The following GTF3C1 variants were observed in gnomAD, a reference collection of about 807,000 sequenced individuals.
GTF3C1 encodes the protein general transcription factor IIIC subunit 1.
In GTF3C1, 57 loss-of-function variants were observed where a neutral mutation model predicts 226.7. That is an observed-to-expected ratio of 0.25 (90% CI 0.20 to 0.31). The LOEUF (loss-of-function observed/expected upper bound fraction) is 0.31, where lower values mean the gene tolerates loss of function less well. Ranked by LOEUF, GTF3C1 falls within the 10% of genes least tolerant of loss-of-function variation. The pLI is 1.00. For missense variants in GTF3C1, 2,217 were observed against 2,776.1 expected (o/e 0.80, Z 4.53); for synonymous variants, 1,090 against 1,084.8 (o/e 1.00, Z -0.09).
intron 32 of GTF3C1, among the ~76,000 whole-genome samples, chr16:27,468,536 C>T (rs1334866391): frequency 1.3e-5 from 2 of 152,106 alleles, no homozygotes; most frequent in Admixed American, 1.3e-4. Context: ...GACCTGAGCC[C>T]AAGAGCTAGA....
Position 27,537,841 on chromosome 16 carries a change from G to A in GTF3C1, c.695C>T (p.Pro232Leu). Residue 232 changes from proline to leucine, a missense_variant, in exon 4 of 37, where the codon CCC becomes CTC. By Grantham distance (98) the Pro-to-Leu change is moderately conservative. This residue lies in a region of GTF3C1 where 163 missense variants were observed against 234.3 expected (regional missense o/e 0.70). Coordinates refer to ENST00000356183, the MANE Select transcript of GTF3C1 (RefSeq NM_001520.4). ...ITMQSHVIRL[P>L]TGAQQHSILL... ...GATTGAGTGTTGCTGGGCTCCAGTG[G>A]GTAATCGGATCACATGGGACTGCAT... 3 of 1,612,408 alleles carry A rather than the reference G, an allele frequency of 1.9e-6. No homozygotes were observed. Among genetic ancestry groups the A allele is most frequent in the Non-Finnish European group, 2.5e-6 (3 of 1,178,438 alleles).
chr16:27,492,771 G>T lies in GTF3C1; in HGVS notation c.2877-58C>A, dbSNP rs2088252536. 1.1e-6 allele frequency: 1 copy of T among 945,088 alleles called. No individual in the cohort carries two copies. The highest frequency in any genetic ancestry group is 2.5e-4 in the Middle Eastern group (1 of 4,080). 58.5% of individuals were successfully genotyped at this position (945,088 alleles called of 1,614,324 possible). The stretch of plus-strand genomic sequence containing the variant: ...ACACCACACTCGCAGCCGGCCGCAG[G>T]GGTCTGCATGTGGGGTGAGGGGTGC... On this transcript the variant is annotated intron_variant, in intron 17 of 36. Transcript: ENST00000356183. This position sits in a 1 kb window ranked among gnomAD's most constrained non-coding sequence, Gnocchi z 5.0.
At chr16:27,545,556 C>T (rs1342467765) in intron 1 of GTF3C1, 33 bp from the exon 2 acceptor site, 1 of 1,251,096 alleles carries the variant, frequency 8.0e-7, no homozygotes, top group South Asian at 1.2e-5. Context: ...CAAAGCCCAA[C>T]TCAGCTTCAG....
intron 23 of GTF3C1, among the ~76,000 whole-genome samples, chr16:27,486,573 G>A (rs1383657118): frequency 6.6e-6 from 1 of 152,164 alleles, no homozygotes. Flanking sequence ...CCCTTGCTCT[G>A]TGACCACACG....
At chr16:27,467,796 G>A (rs780447421) in intron 32 of GTF3C1, among the ~76,000 whole-genome samples, 2 of 152,140 alleles carry the variant, frequency 1.3e-5, no homozygotes, top group Admixed American at 6.6e-5. Context: ...CTTGAACCTG[G>A]GAGGTGGAGG....
At chr16:27,499,880 A>G (rs1440225249) in intron 12 of GTF3C1, among the ~76,000 whole-genome samples, 1 of 152,242 alleles carries the variant, frequency 6.6e-6, no homozygotes, top group Non-Finnish European at 1.5e-5. Context: ...TGGGTGCCAG[A>G]GAAAGTCCTG....
intron 7 of GTF3C1, among the ~76,000 whole-genome samples, chr16:27,510,333 C>T (rs1239454051): frequency 6.6e-6 from 1 of 151,970 alleles, no homozygotes; most frequent in African/African-American, 2.4e-5. Context: ...TTGCAGTGAG[C>T]CAAGATCGCA....
chr16:27,544,774 C>G (rs1193839710), intron 2 of GTF3C1, among the ~76,000 whole-genome samples: 1 of 151,972 alleles, frequency 6.6e-6, no homozygotes, highest in African/African-American at 2.4e-5. Context: ...AGAAAGGGCA[C>G]CATTCAAGTG....
Position 27,471,470 on chromosome 16 carries a change from T to C in GTF3C1, c.4526+278A>G. ...ACTTCCAGCCAGGCCAATTATTAAA[T>C]GCAAACTGATTTCACTCCATCTGAC... On this transcript the variant is annotated intron_variant, in intron 30 of 36. Transcript: ENST00000356183. This position sits in a 1 kb window ranked among gnomAD's most constrained non-coding sequence, Gnocchi z 5.0. The C allele has an allele frequency of 2.5e-6, 1 of 406,014 alleles. No homozygotes were observed. The highest frequency in any genetic ancestry group is 4.5e-6 in the Non-Finnish European group (1 of 221,316). 25.2% of individuals were successfully genotyped at this position (406,014 alleles called of 1,614,324 possible). A position where few individuals can be genotyped will look rare whatever the true frequency, so the allele number is the denominator to read the frequency against.
chr16:27,476,419 C>T, intron 29 of GTF3C1, 32 bp downstream of exon 29: 1 of 1,376,236 alleles, frequency 7.3e-7, no homozygotes, highest in Non-Finnish European at 1.0e-6. Context: ...GGGCCCACAT[C>T]CCCGCTGTGC....
At chr16:27,488,088 G>A (rs2088170254) in intron 23 of GTF3C1, 139 bp downstream of exon 23, 1 of 691,562 alleles carries the variant, frequency 1.4e-6, no homozygotes, top group Non-Finnish European at 2.5e-6. Flanking sequence ...CCATCATAGA[G>A]AGTCAGCGCC....
At chr16:27,539,234 T>C (rs1458638302) in intron 2 of GTF3C1, among the ~76,000 whole-genome samples, 2 of 152,200 alleles carry the variant, frequency 1.3e-5, no homozygotes, top group African/African-American at 4.8e-5. Context: ...TCAGTGGACC[T>C]GCAGTCTCAT....
chr16:27,545,273 G>A (rs368129993), intron 2 of GTF3C1, 41 bp downstream of exon 2: 189 of 1,436,526 alleles, frequency 1.3e-4, no homozygotes, highest in Middle Eastern at 5.2e-4. Flanking sequence ...CACCGTACCC[G>A]GCCAGATTCC....
chr16:27,489,228 A>G (rs1292094472), intron 20 of GTF3C1, 50 bp from the exon 21 acceptor site: 6 of 1,600,968 alleles, frequency 3.7e-6, no homozygotes, highest in East Asian at 2.2e-5. Flanking sequence ...TCATCACCGA[A>G]AAAGAGAGCC....
intron 4 of GTF3C1, among the ~76,000 whole-genome samples, chr16:27,534,451 T>C (rs1183223884): frequency 6.6e-6 from 1 of 152,180 alleles, no homozygotes; most frequent in Non-Finnish European, 1.5e-5. Context: ...CTTCCCCATC[T>C]GTACTGCTTC....
At position 27,494,900 on chromosome 16, in the gene GTF3C1, C is replaced by T. The variant is rs141453103; in HGVS notation, c.2641G>A (p.Asp881Asn). 1.1e-5 allele frequency: 17 copies of T among 1,613,382 alleles called. No individual in the cohort carries two copies. Among genetic ancestry groups the T allele is most frequent in the African/African-American group, 8.0e-5 (6 of 74,872 alleles). Residue 881 changes from aspartate (D) to asparagine (N), a missense_variant, in exon 16 of 37, where the codon GAC (aspartate) becomes AAC (asparagine). Asp to Asn is a conservative substitution (Grantham distance 23). Transcript: ENST00000356183. ...VELATETVYV[D>N]DASWMRYIPP... ...ATGTAGCGCATCCACGAGGCATCGT[C>T]GACATACACTAGGAAAAAAACGCAC...
intron 16 of GTF3C1, 39 bp from the exon 17 acceptor site, chr16:27,493,335 C>CCCT: frequency 1.0e-6 from 1 of 972,326 alleles, no homozygotes; most frequent in Non-Finnish European, 1.7e-6. Context: ...GCCCTGAGGG[C>CCCT]CAGGGCGACC....
rs2088495292 is a variant in GTF3C1, at chr16:27,506,980, G to A, written c.1419C>T (p.Thr473=). 4 of 1,613,840 alleles carry A rather than the reference G, an allele frequency of 2.5e-6. No homozygotes were observed. The highest frequency in any genetic ancestry group is 3.4e-6 in the Non-Finnish European group (4 of 1,179,864). ...EESLLPEGED[T]FLSESDSEEE... ...CCTCACTGTCCGACTCAGAGAGGAA[G>A]GTGTCCTCGCCTTCAGGCAGAAGCG... Residue 473 remains threonine (T), a synonymous_variant, in exon 9 of 37, where the codon ACC becomes ACT. Transcript: ENST00000356183.
At chr16:27,536,568 CT>C (rs759523269) in intron 4 of GTF3C1, among the ~76,000 whole-genome samples, 1 of 152,208 alleles carries the variant, frequency 6.6e-6, no homozygotes, top group Non-Finnish European at 1.5e-5. Context: ...ATTTTCACCC[CT>C]GGAGATCCGC....
Sources: gnomAD v4.1 joint callset for allele counts (sites outside exome capture counted in the v4.1 genomes callset) on GRCh38, gnomAD v4.1.1 for gene constraint, gnomAD v4.1.1 regional missense constraint, Gnocchi (gnomAD v3.1) non-coding constraint, MANE v1.5 for transcripts, NCBI Gene and HGNC (gene_info 2026-07-23, HGNC 2026-07-21) for gene names.